MYO5B: variants seen among roughly 807,000 people sequenced by gnomAD.
MYO5B encodes the protein unconventional myosin-Vb.
A neutral mutation model predicts 229.3 loss-of-function variants in MYO5B; 143 were observed. The ratio of observed to expected loss-of-function variants is 0.62; its 90% CI spans 0.54 to 0.72. The LOEUF is 0.72. Ranked by LOEUF, MYO5B falls within the 30% of genes least tolerant of loss-of-function variation. MYO5B has a pLI of 0.00. For missense variants in MYO5B, 2,321 were observed against 2,331.0 expected, an observed-to-expected ratio of 1.00 and a Z score of 0.09; for synonymous variants, 918 against 885.2, an observed-to-expected ratio of 1.04 and a Z score of -0.66.
intron 17 of MYO5B, among the ~76,000 whole-genome samples, chr18:49,914,047 C>T (rs2024986203): frequency 6.6e-6 from 1 of 152,162 alleles, no homozygotes; most frequent in Non-Finnish European, 1.5e-5. Flanking sequence ...AACCATCCTT[C>T]AGGTCCATGT....
At chr18:50,175,969 T>G (rs1188551268) in intron 1 of MYO5B, among the ~76,000 whole-genome samples, 1 of 152,264 alleles carries the variant, frequency 6.6e-6, no homozygotes, top group East Asian at 1.9e-4. Flanking sequence ...GAATTCCACA[T>G]GACAGCCCTG....
intron 39 of MYO5B, among the ~76,000 whole-genome samples, chr18:49,830,145 C>CCACACACACACACACACACA (rs57718809): frequency 1.3e-5 from 2 of 149,904 alleles, no homozygotes; most frequent in Admixed American, 6.6e-5. Flanking sequence ...CTGAAAGAAT[C>CCACACACACACACACACACA]CACACACACA....
At chr18:49,838,540 G>C (rs763405043) in intron 36 of MYO5B, among the ~76,000 whole-genome samples, 1 of 152,148 alleles carries the variant, frequency 6.6e-6, no homozygotes, top group African/African-American at 2.4e-5. Context: ...TAACCTACTT[G>C]TGTTGTAAGA....
intron 1 of MYO5B, among the ~76,000 whole-genome samples, chr18:50,188,848 G>A (rs1020609505): frequency 1.4e-5 from 2 of 144,884 alleles, no homozygotes; most frequent in East Asian, 2.1e-4. Flanking sequence ...GGAGGGCAGG[G>A]CAAGAGCCTG....
At chr18:50,082,325 G>A (rs2031238097) in intron 1 of MYO5B, among the ~76,000 whole-genome samples, 1 of 152,226 alleles carries the variant, frequency 6.6e-6, no homozygotes, top group African/African-American at 2.4e-5. Flanking sequence ...GCTCAAGTGT[G>A]TTATGGACCA....
In MYO5B at chr18:50,050,038, A is replaced by G. The variant is rs184354671; in HGVS notation, c.138+5230T>C. 1.5e-4 allele frequency among the ~76,000 whole-genome samples: 23 copies of G among 152,322 alleles called. No individual in the cohort carries two copies. The East Asian group carries it at 2.5e-3, about 17-fold the overall frequency. On this transcript the variant is annotated intron_variant, in intron 2 of 39. Transcript: ENST00000285039. ...ACAAGATGACTAATTAGTGGTAGCA[A>G]TATTACCAGTAGATAATTATATGCA...
At chr18:49,880,289 T>C (rs2144107461) in intron 23 of MYO5B, 82 bp downstream of exon 23, 2 of 1,190,134 alleles carry the variant, frequency 1.7e-6, no homozygotes, top group South Asian at 2.4e-5. Flanking sequence ...TCTAACTGCA[T>C]GCTTGCTAGG....
intron 1 of MYO5B, among the ~76,000 whole-genome samples, chr18:50,163,844 A>G (rs892733451): frequency 6.6e-6 from 1 of 152,266 alleles, no homozygotes; most frequent in Non-Finnish European, 1.5e-5. Context: ...AGGAGAAAGC[A>G]CAATCATTAT....
intron 1 of MYO5B, among the ~76,000 whole-genome samples, chr18:50,106,118 T>C (rs1313910832): frequency 2.0e-5 from 3 of 152,080 alleles, no homozygotes; most frequent in Non-Finnish European, 4.4e-5. Flanking sequence ...TGCCCAAAAA[T>C]GCACCCTGGA....
intron 4 of MYO5B, among the ~76,000 whole-genome samples, chr18:50,009,153 G>A (rs1017211960): frequency 8.5e-5 from 13 of 152,222 alleles, no homozygotes; most frequent in Middle Eastern, 3.4e-3. Context: ...TGAGGCAGGT[G>A]GATCACTTGA....
chr18:50,174,567 G>A (rs1454682481), intron 1 of MYO5B, among the ~76,000 whole-genome samples: 3 of 152,180 alleles, frequency 2.0e-5, no homozygotes, highest in Non-Finnish European at 4.4e-5. Context: ...CTAAATGGGA[G>A]AACATCATGG....
chr18:50,111,056 A>C (rs1277340018), intron 1 of MYO5B, among the ~76,000 whole-genome samples: 3 of 152,228 alleles, frequency 2.0e-5, no homozygotes, highest in Non-Finnish European at 1.5e-5. Flanking sequence ...CATAAGGTTA[A>C]CGTTTTCATT....
intron 1 of MYO5B, 64 bp downstream of exon 1, chr18:50,194,703 A>G: frequency 1.7e-6 from 2 of 1,197,962 alleles, no homozygotes; most frequent in South Asian, 2.7e-5. Context: ...GGCGACCCTG[A>G]GTACTAGGTG....
chr18:49,872,782 C>T (rs2024471230), intron 26 of MYO5B, among the ~76,000 whole-genome samples: 1 of 152,162 alleles, frequency 6.6e-6, no homozygotes, highest in Non-Finnish European at 1.5e-5. Context: ...CAAATTCTCC[C>T]TTAAAGCCTT....
intron 1 of MYO5B, among the ~76,000 whole-genome samples, chr18:50,183,306 CATATATATATATAT>C (rs71169486): frequency 5.2e-4 from 57 of 109,844 alleles, no homozygotes; most frequent in Admixed American, 1.2e-3. Context: ...TCAATTTTAT[CATATATATATATAT>C]ATATATATAT....
At chr18:49,942,659 A>T (rs1163339353) in intron 14 of MYO5B, among the ~76,000 whole-genome samples, 2 of 151,922 alleles carry the variant, frequency 1.3e-5, no homozygotes, top group East Asian at 1.9e-4. Flanking sequence ...TCAAAACCAC[A>T]ATGAGATACC....
chr18:50,129,615 A>G (rs374971537), intron 1 of MYO5B, among the ~76,000 whole-genome samples: 5 of 152,194 alleles, frequency 3.3e-5, no homozygotes, highest in Admixed American at 6.5e-5. Context: ...CCACAGCCCT[A>G]TGAAACATCA....
Position 49,920,815 on chromosome 18 carries a change from G to A in MYO5B, c.2091-8642C>T, listed in dbSNP as rs188368442. ...CTCAGTCTCAGGCTCTGACTTAATA[G>A]GTCTGAGGGGGCCCAGCTTCTGAGA... On this transcript the variant is annotated intron_variant, in intron 17 of 39. Transcript: ENST00000285039. Among the ~76,000 whole-genome samples the A allele has an allele frequency of 1.4e-4, 22 of 152,266 alleles. No individual in the cohort carries two copies. The Middle Eastern group carries it at 0.01, about 71-fold the overall frequency.
At chr18:50,111,382 A>T (rs2031861496) in intron 1 of MYO5B, among the ~76,000 whole-genome samples, 3 of 152,266 alleles carry the variant, frequency 2.0e-5, no homozygotes, top group African/African-American at 7.2e-5. Flanking sequence ...TTTGTTAGAC[A>T]GTCACAGATT....
Sources: allele counts gnomAD v4.1 joint callset (sites outside exome capture counted in the v4.1 genomes callset), GRCh38; gene constraint gnomAD v4.1.1; transcripts MANE v1.5; gene names NCBI Gene and HGNC (gene_info 2026-07-23, HGNC 2026-07-21).